Variants in RARB observed in about 807,000 individuals in gnomAD.
The protein encoded by RARB is HBV-activated protein.
Under a neutral mutation model 51.9 loss-of-function variants are expected in RARB, and 17 were observed. That is an observed-to-expected ratio of 0.33 (90% confidence interval 0.22 to 0.49). RARB has a LOEUF of 0.49. Ranked by LOEUF, RARB falls within the 20% of genes least tolerant of loss-of-function variation. RARB has a pLI of 0.99. For missense variants in RARB, 369 were observed against 550.8 expected (o/e 0.67, Z 3.30); for synonymous variants, 215 against 195.4 (o/e 1.10, Z -0.84).
intron 2 of RARB, among the ~76,000 whole-genome samples, chr3:24,991,701 A>G (rs1167600866): frequency 6.6e-6 from 1 of 151,918 alleles, no homozygotes; most frequent in Non-Finnish European, 1.5e-5. Flanking sequence ...AAAAATGCAT[A>G]TAAGTAGCAC....
At chr3:25,141,598 C>G (rs1700107404) in intron 4 of RARB, among the ~76,000 whole-genome samples, 1 of 152,172 alleles carries the variant, frequency 6.6e-6, no homozygotes, top group Admixed American at 6.5e-5. Context: ...GCTATCATTT[C>G]AATCCTGTGA....
At chr3:25,039,392 G>A (rs902819118) in intron 2 of RARB, among the ~76,000 whole-genome samples, 1 of 152,162 alleles carries the variant, frequency 6.6e-6, no homozygotes. Context: ...GTTGTTCTGG[G>A]AAAGCTTGGT....
chr3:25,170,437 T>C (rs1700625506), intron 4 of RARB, among the ~76,000 whole-genome samples: 2 of 152,172 alleles, frequency 1.3e-5, no homozygotes, highest in Non-Finnish European at 2.9e-5. Context: ...TCTGATTCAG[T>C]AGGTCTCTCC....
intron 2 of RARB, among the ~76,000 whole-genome samples, chr3:25,032,580 C>G (rs1375473476): frequency 6.6e-6 from 1 of 152,184 alleles, no homozygotes; most frequent in East Asian, 1.9e-4. Context: ...ACTGATATTC[C>G]ATTATTCTCC....
At chr3:25,256,243 C>T (rs1463088070) in intron 5 of RARB, among the ~76,000 whole-genome samples, 3 of 152,242 alleles carry the variant, frequency 2.0e-5, no homozygotes, top group Non-Finnish European at 1.5e-5. Flanking sequence ...AGATACGGCC[C>T]CTTCCTGCCA....
intron 2 of RARB, among the ~76,000 whole-genome samples, chr3:24,859,408 G>A (rs1473003518): frequency 6.6e-6 from 1 of 152,166 alleles, no homozygotes; most frequent in Non-Finnish European, 1.5e-5. Context: ...TCATGTAGGT[G>A]TAACAAATAG....
At chr3:25,592,047 CAGTGTTTCCCTGACAAG>C (rs1184980220) in intron 5 of RARB, among the ~76,000 whole-genome samples, 9 of 152,186 alleles carry the variant, frequency 5.9e-5, no homozygotes, top group Admixed American at 6.5e-5. Flanking sequence ...CCCAAACCCC[CAGTGTTTCCCTGACAAG>C]ATGAGAGATT....
intron 2 of RARB, among the ~76,000 whole-genome samples, chr3:25,037,646 C>G (rs1264621883): frequency 2.6e-5 from 4 of 152,000 alleles, no homozygotes; most frequent in Non-Finnish European, 5.9e-5. Context: ...TTGTGGAGCA[C>G]CTACCAAGGG....
chr3:24,930,635 G>A (rs182103132), intron 2 of RARB, among the ~76,000 whole-genome samples: 224 of 152,148 alleles, frequency 1.5e-3, no homozygotes, highest in African/African-American at 5.1e-3. Context: ...TGTCTGCTAT[G>A]TGCCCAACAC....
intron 2 of RARB, among the ~76,000 whole-genome samples, chr3:24,860,902 G>T (rs2125341826): frequency 6.6e-6 from 1 of 152,232 alleles, no homozygotes; most frequent in East Asian, 1.9e-4. Flanking sequence ...AAGTAAACTT[G>T]CTACTCAGGT....
intron 4 of RARB, among the ~76,000 whole-genome samples, chr3:25,157,380 G>GTGTATATA (rs758200423): frequency 1.2e-4 from 17 of 146,680 alleles, no homozygotes; most frequent in African/African-American, 4.1e-4. Flanking sequence ...GTGTGTGTGT[G>GTGTATATA]TATATATATG....
intron 2 of RARB, among the ~76,000 whole-genome samples, chr3:24,867,382 C>T (rs1702869795): frequency 6.6e-6 from 1 of 152,154 alleles, no homozygotes; most frequent in Non-Finnish European, 1.5e-5. Flanking sequence ...TTCACTGCCA[C>T]AATTTTCTCA....
intron 2 of RARB, among the ~76,000 whole-genome samples, chr3:25,487,304 C>T (rs1696520818): frequency 6.6e-6 from 1 of 152,226 alleles, no homozygotes; most frequent in Admixed American, 6.5e-5. Context: ...CATTGCTTCT[C>T]TGTTCCTCAG....
intron 2 of RARB, among the ~76,000 whole-genome samples, chr3:25,051,682 A>C (rs1698336251): frequency 1.3e-5 from 2 of 152,184 alleles, no homozygotes; most frequent in Admixed American, 1.3e-4. Flanking sequence ...AGAAAGTTAC[A>C]GTTCAGAAAA....
At chr3:25,279,147 G>A (rs1054085648) in intron 5 of RARB, among the ~76,000 whole-genome samples, 1 of 152,110 alleles carries the variant, frequency 6.6e-6, no homozygotes, top group Non-Finnish European at 1.5e-5. Flanking sequence ...TGCAAGTAAT[G>A]GAATATTCAC....
chr3:24,872,006 AC>A (rs1299951586), intron 2 of RARB, among the ~76,000 whole-genome samples: 5 of 152,084 alleles, frequency 3.3e-5, no homozygotes, highest in African/African-American at 1.2e-4. Flanking sequence ...TTGTTCCCTT[AC>A]CCCTCTACAA....
rs113968050 is a variant in RARB at position 25,315,995 on chromosome 3, C to A, written c.178+141420C>A. On this transcript the variant is annotated intron_variant, in intron 5 of 11. Transcript: ENST00000383772. ...TTGTAACTACTTGCCACATTAAATT[C>A]ATTCTGTCAGTCACCTAGATCCACT... Among the ~76,000 whole-genome samples the A allele has an allele frequency of 4.4e-3, 666 of 152,242 alleles. 1 individual carries two copies. The highest frequency in any genetic ancestry group is 0.015 in the African/African-American group (621 of 41,538).
chr3:25,275,732 A>G (rs1484497728), intron 5 of RARB, among the ~76,000 whole-genome samples: 1 of 149,334 alleles, frequency 6.7e-6, no homozygotes, highest in African/African-American at 2.5e-5. Flanking sequence ...AAATGAGAAC[A>G]CTTGGACACA....
intron 3 of RARB, among the ~76,000 whole-genome samples, chr3:25,525,350 A>T (rs1192024414): frequency 3.9e-5 from 6 of 152,138 alleles, no homozygotes; most frequent in Admixed American, 3.3e-4. Context: ...GTGTGGAAAG[A>T]GTGGAGATAG....
Sources: gnomAD v4.1 joint callset for allele counts (sites outside exome capture counted in the v4.1 genomes callset) on GRCh38, gnomAD v4.1.1 for gene constraint, MANE v1.5 for transcripts, NCBI Gene and HGNC (gene_info 2026-07-23, HGNC 2026-07-21) for gene names.